The following TSPAN33 variants were observed in gnomAD, a reference collection of about 807,000 sequenced individuals.
TSPAN33 encodes tetraspanin-33.
In TSPAN33, 27 loss-of-function variants were observed where a neutral mutation model predicts 34.8. The ratio of observed to expected loss-of-function variants is 0.78; its 90% CI spans 0.57 to 1.07. TSPAN33 has a LOEUF of 1.07. Ranked by LOEUF, TSPAN33 falls within the 50% of genes least tolerant of loss-of-function variation. The probability of loss-of-function intolerance (pLI) is 0.00; values close to 1 mark genes in which losing one functional copy is unlikely to be tolerated. For synonymous variants in TSPAN33, 119 were observed against 124.2 expected (o/e 0.96, Z 0.28); for missense variants, 272 against 324.9 (o/e 0.84, Z 1.25).
chr7:129,146,806 A>G (rs1810526145), intron 1 of TSPAN33, among the ~76,000 whole-genome samples: 1 of 152,194 alleles, frequency 6.6e-6, no homozygotes, highest in Non-Finnish European at 1.5e-5. Flanking sequence ...CTAGCATTTC[A>G]GGGACTTTAG....
At chr7:129,166,645 A>C in intron 5 of TSPAN33, 133 bp from the exon 6 acceptor site, 1 of 1,084,260 alleles carries the variant, frequency 9.2e-7, no homozygotes, top group South Asian at 1.7e-5. Flanking sequence ...CTCAAAGTTT[A>C]AGGCTGTGTT....
intron 2 of TSPAN33, 132 bp from the exon 3 acceptor site, chr7:129,162,262 C>G: frequency 5.7e-6 from 8 of 1,414,054 alleles, no homozygotes; most frequent in Non-Finnish European, 5.8e-6. Context: ...ACTGCCTCCC[C>G]TTAACCTTCA....
At chr7:129,160,410 G>T (rs1793030433) in intron 1 of TSPAN33, among the ~76,000 whole-genome samples, 1 of 152,162 alleles carries the variant, frequency 6.6e-6, no homozygotes. Context: ...GCAACAGCCA[G>T]CTGCTGCTTA....
intron 1 of TSPAN33, among the ~76,000 whole-genome samples, chr7:129,159,475 G>T (rs1292595737): frequency 6.6e-6 from 1 of 152,206 alleles, no homozygotes; most frequent in East Asian, 1.9e-4. Context: ...GATTTAATCA[G>T]ATACCATCTT....
rs939061738 is a variant in TSPAN33 at position 129,148,906 on chromosome 7, C to T, written c.102+3824C>T. 2.6e-5 allele frequency among the ~76,000 whole-genome samples: 4 copies of T among 152,268 alleles called. No individual in the cohort carries two copies. Among genetic ancestry groups the T allele is most frequent in the South Asian group, 2.1e-4 (1 of 4,832 alleles). On this transcript the variant is annotated intron_variant, in intron 1 of 7. Coordinates refer to ENST00000486685, the MANE Select transcript of TSPAN33 (RefSeq NM_178562.5). This position sits in a 1 kb window ranked among gnomAD's most constrained non-coding sequence, Gnocchi z 4.2. ...GGCCACTCTCAGCACCATTTCTTTT[C>T]GTCTGGCTCAAAAACCATGAGGAAG...
At chr7:129,162,008 A>G (rs1793062244) in intron 2 of TSPAN33, among the ~76,000 whole-genome samples, 1 of 152,188 alleles carries the variant, frequency 6.6e-6, no homozygotes, top group Non-Finnish European at 1.5e-5. Flanking sequence ...GAGAGTCATC[A>G]AGGGCTTTAG....
chr7:129,154,890 C>G (rs879500671), intron 1 of TSPAN33, among the ~76,000 whole-genome samples: 1 of 152,066 alleles, frequency 6.6e-6, no homozygotes, highest in Non-Finnish European at 1.5e-5. Context: ...CTAGACAATC[C>G]AGCAATCCCA....
intron 4 of TSPAN33, 51 bp from the exon 5 acceptor site, chr7:129,164,423 C>A: frequency 5.3e-6 from 8 of 1,520,152 alleles, no homozygotes; most frequent in Non-Finnish European, 7.3e-6. Context: ...CTGGAAGGAG[C>A]AAGTTAGGGA....
At chr7:129,152,142 G>A (rs1810604273) in intron 1 of TSPAN33, among the ~76,000 whole-genome samples, 1 of 152,234 alleles carries the variant, frequency 6.6e-6, no homozygotes, top group Non-Finnish European at 1.5e-5. Context: ...TAGTGGGGAA[G>A]TAAAAAGGCA....
In TSPAN33 at chr7:129,162,458, G is replaced by C; in HGVS notation, c.225G>C (p.Met75Ile). 1 of 1,613,978 alleles carries C rather than the reference G, an allele frequency of 6.2e-7. No individual in the cohort carries two copies. The highest frequency in any genetic ancestry group is 8.5e-7 in the Non-Finnish European group (1 of 1,180,040). ...TGCTGATCGTGGTGGGTGTCCTCAT[G>C]TTCCTGCTCACCTTCTGTGGCTGCA... is the stretch of plus-strand genomic sequence containing the variant. Reference protein sequence around the residue: ...AILLIVVGVLMFLLTFCGCIG... With the variant: ...AILLIVVGVLIFLLTFCGCIG... Residue 75 changes from methionine (M) to isoleucine (I), a missense_variant, in exon 3 of 8, where the codon ATG (methionine) becomes ATC (isoleucine). Transcript: ENST00000486685.
chr7:129,145,083 G>A lies in TSPAN33; in HGVS notation c.102+1G>A, dbSNP rs772545192. 8 of 715,836 alleles carry A rather than the reference G, an allele frequency of 1.1e-5. No homozygotes were observed. The highest frequency in any genetic ancestry group is 5.9e-5 in the Admixed American group (3 of 51,260). The allele number at this position is 715,836 out of a possible 1,614,324, so 44.3% of individuals were successfully genotyped here. Reference sequence around the variant, plus strand: ...CTTCTTCTTCAACATGCTCTTCTGGGTGAGTCTCGGGGTCGAGGGCACCTG... The same window carrying A: ...CTTCTTCTTCAACATGCTCTTCTGGATGAGTCTCGGGGTCGAGGGCACCTG... On this transcript the variant is annotated splice_donor_variant, in intron 1 of 7. Transcript: ENST00000486685. LOFTEE classifies it high-confidence loss of function.
In TSPAN33 at chr7:129,167,962, T is replaced by G. The variant is rs1793170158; in HGVS notation, c.*88T>G. On this transcript the variant is annotated 3_prime_UTR_variant, in exon 8 of 8. Transcript: ENST00000486685. This position sits in a 1 kb window ranked among gnomAD's most constrained non-coding sequence, Gnocchi z 4.6. ...TGCTGAAAGCAGCACCAAATGGAGA[T>G]TTGGATTCCAGCCCCCCAGTGACAG... 12 of 1,527,810 alleles carry G rather than the reference T, an allele frequency of 7.9e-6. No homozygotes were observed. The highest frequency in any genetic ancestry group is 8.8e-6 in the Non-Finnish European group (10 of 1,139,398). 94.6% of individuals were successfully genotyped at this position (1,527,810 alleles called of 1,614,324 possible). A position where few individuals can be genotyped will look rare whatever the true frequency, so the allele number is the denominator to read the frequency against.
chr7:129,154,594 A>T (rs1427958954), intron 1 of TSPAN33, among the ~76,000 whole-genome samples: 1 of 151,856 alleles, frequency 6.6e-6, no homozygotes. Context: ...ATACAAAATT[A>T]GCCGGGTGTG....
intron 1 of TSPAN33, among the ~76,000 whole-genome samples, chr7:129,153,123 G>T (rs1385438786): frequency 6.6e-6 from 1 of 151,634 alleles, no homozygotes; most frequent in African/African-American, 2.4e-5. Flanking sequence ...GAAAGAAGCC[G>T]GACACAGAGG....
chr7:129,162,888 G>T lies in TSPAN33; in HGVS notation c.344G>T (p.Gly115Val). The T allele has an allele frequency of 6.2e-7, 1 of 1,613,828 alleles. No homozygotes were observed. The change falls in exon 4 of 8, where the codon GGC becomes GTC. Residue 115 changes from glycine to valine, a missense_variant. Transcript: ENST00000486685. ...FLLQLAAGIL[G>V]FVFSDKARGK... ...CTGCAGCTGGCCGCTGGGATCCTGG[G>T]CTTCGTCTTCTCAGACAAGGTAACA... is the stretch of plus-strand genomic sequence containing the variant.
rs770203436 is a variant in TSPAN33 at position 129,164,546 on chromosome 7, C to T, written c.436C>T (p.Leu146Phe). 6.2e-7 allele frequency: 1 copy of T among 1,613,870 alleles called. No individual in the cohort carries two copies. Among genetic ancestry groups the T allele is most frequent in the South Asian group, 1.1e-5 (1 of 91,060 alleles). ...HYRDDLDLQN[L>F]IDFGQKKFSC... is the part of the protein sequence containing the mutation. ...CCGAGATGACTTGGATCTGCAGAAC[C>T]TCATTGATTTTGGCCAGAAAAAGGT... The change falls in exon 5 of 8, where the codon CTC becomes TTC. Residue 146 changes from leucine to phenylalanine, a missense_variant. By Grantham distance (22) the Leu-to-Phe change is conservative. Coordinates refer to ENST00000486685, the MANE Select transcript of TSPAN33 (RefSeq NM_178562.5).
chr7:129,158,043 T>C (rs1792983299), intron 1 of TSPAN33, among the ~76,000 whole-genome samples: 1 of 152,224 alleles, frequency 6.6e-6, no homozygotes, highest in Non-Finnish European at 1.5e-5. Context: ...GCTCGCCTCC[T>C]TGCCTGCTCC....
chr7:129,169,233 G>A lies in TSPAN33; in HGVS notation c.*1359G>A, dbSNP rs927770031. 1.3e-5 allele frequency among the ~76,000 whole-genome samples: 2 copies of A among 152,200 alleles called. No individual in the cohort carries two copies. Among genetic ancestry groups the A allele is most frequent in the African/African-American group, 2.4e-5 (1 of 41,454 alleles). ...CCTCCAGGACCTTCTCCCTGAGTCG[G>A]CTGTAGGGAGGACTCCGAGGAAGCT... On this transcript the variant is annotated 3_prime_UTR_variant, in exon 8 of 8. Transcript: ENST00000486685.
intron 1 of TSPAN33, among the ~76,000 whole-genome samples, chr7:129,154,512 C>T (rs753906241): frequency 2.6e-5 from 4 of 152,116 alleles, no homozygotes; most frequent in Non-Finnish European, 5.9e-5. Flanking sequence ...GAGGCTGAGA[C>T]GGGTGAATCA....
Sources: allele counts gnomAD v4.1 joint callset (sites outside exome capture counted in the v4.1 genomes callset), GRCh38; gene constraint gnomAD v4.1.1; non-coding constraint Gnocchi (gnomAD v3.1); transcripts MANE v1.5; gene names NCBI Gene and HGNC (gene_info 2026-07-23, HGNC 2026-07-21).